Variants in SNX30 observed in about 807,000 individuals in gnomAD.
SNX30 encodes the protein sorting nexin family member 30.
A neutral mutation model predicts 46.4 loss-of-function variants in SNX30; 24 were observed. The ratio of observed to expected loss-of-function variants is 0.52; its 90% CI spans 0.37 to 0.73. SNX30 has a LOEUF of 0.73. Among genes scored for constraint, SNX30 ranks in the 30% least tolerant of loss-of-function variants. The pLI, the probability that SNX30 is intolerant of heterozygous loss-of-function variation, is 0.00. For missense variants in SNX30, 533 were observed against 555.7 expected, an observed-to-expected ratio of 0.96 and a Z score of 0.41; for synonymous variants, 189 against 211.5, an observed-to-expected ratio of 0.89 and a Z score of 0.92.
chr9:112,819,202 G>A (rs1298447123), intron 3 of SNX30, among the ~76,000 whole-genome samples: 1 of 150,442 alleles, frequency 6.6e-6, no homozygotes, highest in African/African-American at 2.4e-5. Flanking sequence ...CAGTCATTAT[G>A]AAATAAACAC....
At chr9:112,790,848 A>T (rs1447076493) in intron 1 of SNX30, among the ~76,000 whole-genome samples, 1 of 152,158 alleles carries the variant, frequency 6.6e-6, no homozygotes, top group East Asian at 1.9e-4. Flanking sequence ...ATTTGGGAGG[A>T]GCCTGACCTA....
chr9:112,763,360 C>CTTT (rs751720343), intron 1 of SNX30, among the ~76,000 whole-genome samples: 540 of 47,588 alleles, frequency 0.011, 147 homozygotes, highest in African/African-American at 0.044. Context: ...GCTATTTAAA[C>CTTT]TTTTTTTTTT....
chr9:112,805,070 G>C (rs1016676246), intron 2 of SNX30, 103 bp downstream of exon 2: 1 of 757,570 alleles, frequency 1.3e-6, no homozygotes, highest in East Asian at 2.8e-5. Context: ...GTACAACTCT[G>C]TTCACCTTGA....
chr9:112,767,721 C>A (rs113963352), intron 1 of SNX30, among the ~76,000 whole-genome samples: 1 of 152,140 alleles, frequency 6.6e-6, no homozygotes, highest in Admixed American at 6.6e-5. Context: ...TCCTGAGTAG[C>A]TGGGACCACA....
intron 1 of SNX30, among the ~76,000 whole-genome samples, chr9:112,771,804 G>A (rs1331608516): frequency 2.0e-5 from 3 of 152,138 alleles, no homozygotes; most frequent in Non-Finnish European, 1.5e-5. Context: ...AAAGAGATAA[G>A]GCTAAACTGT....
intron 1 of SNX30, among the ~76,000 whole-genome samples, chr9:112,782,693 A>T (rs963117102): frequency 7.9e-5 from 12 of 152,176 alleles, no homozygotes; most frequent in African/African-American, 2.9e-4. Flanking sequence ...TAAAACTCAG[A>T]TCTGTTCCAT....
downstream of SNX30, among the ~76,000 whole-genome samples, chr9:112,882,900 C>A (rs141502853): frequency 1.1e-3 from 170 of 152,236 alleles, 4 homozygotes; most frequent in Non-Finnish European, 6.6e-4. Flanking sequence ...GAACCCCAAA[C>A]AATTCCTACA....
chr9:112,816,312 A>G (rs777024866), intron 2 of SNX30, among the ~76,000 whole-genome samples: 16 of 152,210 alleles, frequency 1.1e-4, no homozygotes, highest in Non-Finnish European at 2.1e-4. Flanking sequence ...TATTTCTGTC[A>G]TGCTGTGCTT....
chr9:112,757,608 A>G (rs1041223099), intron 1 of SNX30, among the ~76,000 whole-genome samples: 5 of 152,184 alleles, frequency 3.3e-5, no homozygotes, highest in Non-Finnish European at 5.9e-5. Context: ...ACCAATCTAC[A>G]TTCCTAACAG....
intron 1 of SNX30, among the ~76,000 whole-genome samples, chr9:112,776,789 T>G (rs1374611953): frequency 2.6e-5 from 4 of 152,212 alleles, no homozygotes; most frequent in African/African-American, 9.7e-5. Context: ...CAGGCCTCCT[T>G]TCAGGATGTG....
intron 3 of SNX30, among the ~76,000 whole-genome samples, chr9:112,825,579 C>T (rs1036642990): frequency 6.6e-6 from 1 of 152,162 alleles, no homozygotes; most frequent in Non-Finnish European, 1.5e-5. Flanking sequence ...TAGACATGAG[C>T]CACTGTGTCT....
chr9:112,880,155 A>AC lies in SNX30; in HGVS notation n.3511dup, dbSNP rs1401775149. On this transcript the variant is annotated non_coding_transcript_exon_variant, in exon 5 of 6. Transcript: ENST00000604751. ...AGACCAGCCTGGCCAACCTGGTGAAACCCCAACTCTACTAAAAATACAAAA... is the reference window on the plus strand; with the variant it reads ...AGACCAGCCTGGCCAACCTGGTGAAACCCCCAACTCTACTAAAAATACAAAA... 27 of 186,166 alleles carry AC rather than the reference A, an allele frequency of 1.5e-4. No individual in the cohort carries two copies. In the East Asian group the frequency reaches 2.8e-3, roughly 19 times the overall value. 11.5% of individuals were successfully genotyped at this position (186,166 alleles called of 1,614,324 possible). A position where few individuals can be genotyped will look rare whatever the true frequency, so the allele number is the denominator to read the frequency against.
At chr9:112,857,097 G>A (rs1429227104) in intron 7 of SNX30, among the ~76,000 whole-genome samples, 1 of 152,174 alleles carries the variant, frequency 6.6e-6, no homozygotes, top group African/African-American at 2.4e-5. Context: ...TGCCTTTCCC[G>A]AGGCAGGCAC....
At chr9:112,805,268 G>A (rs910595775) in intron 2 of SNX30, among the ~76,000 whole-genome samples, 6 of 151,514 alleles carry the variant, frequency 4.0e-5, no homozygotes, top group African/African-American at 1.5e-4. Flanking sequence ...ATATCATATT[G>A]CTTCTGAAAT....
intron 1 of SNX30, among the ~76,000 whole-genome samples, chr9:112,801,311 G>A (rs866678553): frequency 0.12 from 1,373 of 11,684 alleles, 591 homozygotes; most frequent in African/African-American, 0.48. Flanking sequence ...CTTTGAATGC[G>A]TCCCAGAGAT....
downstream of SNX30, among the ~76,000 whole-genome samples, chr9:112,882,572 A>T (rs1447856425): frequency 6.6e-6 from 1 of 152,182 alleles, no homozygotes; most frequent in Non-Finnish European, 1.5e-5. Flanking sequence ...TTCAGAGGCT[A>T]ACTCAGTCAT....
intron 3 of SNX30, among the ~76,000 whole-genome samples, chr9:112,821,380 T>C (rs1175698568): frequency 6.6e-6 from 1 of 152,216 alleles, no homozygotes; most frequent in Non-Finnish European, 1.5e-5. Flanking sequence ...CCTTAAATTT[T>C]CATAGTTCTT....
downstream of SNX30, among the ~76,000 whole-genome samples, chr9:112,883,587 A>T (rs985749123): frequency 1.3e-5 from 2 of 152,106 alleles, no homozygotes; most frequent in Non-Finnish European, 2.9e-5. Context: ...TGTTATTATC[A>T]TTAAAAAAAA....
intron 8 of SNX30, among the ~76,000 whole-genome samples, chr9:112,867,875 G>C (rs1841386703): frequency 1.3e-5 from 2 of 152,102 alleles, no homozygotes; most frequent in Admixed American, 6.5e-5. Flanking sequence ...TCCACCCCTG[G>C]GGCTGCTACT....
Sources: gnomAD v4.1 joint callset for allele counts (sites outside exome capture counted in the v4.1 genomes callset) on GRCh38, gnomAD v4.1.1 for gene constraint, MANE v1.5 for transcripts, NCBI Gene and HGNC (gene_info 2026-07-23, HGNC 2026-07-21) for gene names.